KCNH7: variants seen among roughly 807,000 people sequenced by gnomAD.
The protein encoded by KCNH7 is potassium voltage-gated channel subfamily H member 7, also known as voltage-gated inwardly rectifying potassium channel KCNH7.
In KCNH7, 49 loss-of-function variants were observed where a neutral mutation model predicts 120.8. The ratio of observed to expected loss-of-function variants is 0.41; its 90% CI spans 0.32 to 0.51. The LOEUF is 0.51. Among genes scored for constraint, KCNH7 ranks in the 20% least tolerant of loss-of-function variants. The probability of loss-of-function intolerance (pLI) is 0.38; values close to 1 mark genes in which losing one functional copy is unlikely to be tolerated. For missense variants in KCNH7, 1,097 were observed against 1,446.6 expected, an observed-to-expected ratio of 0.76 and a Z score of 3.92; for synonymous variants, 547 against 516.1, an observed-to-expected ratio of 1.06 and a Z score of -0.81.
intron 2 of KCNH7, among the ~76,000 whole-genome samples, chr2:162,773,728 T>G (rs1683142920): frequency 6.6e-6 from 1 of 152,160 alleles, no homozygotes; most frequent in African/African-American, 2.4e-5. Context: ...GCATCAAACT[T>G]TAGCTTATCA....
At chr2:162,601,398 G>GGTTTTTTTT (rs1694548088) in intron 2 of KCNH7, among the ~76,000 whole-genome samples, 1 of 7,724 alleles carries the variant, frequency 1.3e-4, no homozygotes, top group Non-Finnish European at 2.2e-4. Context: ...TACTTCTTGT[G>GGTTTTTTTT]CTTTTTTTTT....
chr2:162,546,682 T>C (rs1692491351), intron 2 of KCNH7, among the ~76,000 whole-genome samples: 1 of 152,160 alleles, frequency 6.6e-6, no homozygotes. Flanking sequence ...TTTATAGCTT[T>C]GGAGCAGGGA....
intron 2 of KCNH7, among the ~76,000 whole-genome samples, chr2:162,541,616 A>G (rs1692304486): frequency 6.6e-6 from 1 of 152,130 alleles, no homozygotes; most frequent in Non-Finnish European, 1.5e-5. Flanking sequence ...GCATGTTCTC[A>G]TTTATAAATG....
chr2:162,815,095 A>AT (rs890981740), intron 2 of KCNH7, among the ~76,000 whole-genome samples: 10 of 152,186 alleles, frequency 6.6e-5, no homozygotes, highest in African/African-American at 2.4e-5. Context: ...CAAGAGTCAT[A>AT]TTTTTTTCAT....
chr2:162,461,593 T>C lies in KCNH7; in HGVS notation c.1129-15150A>G, dbSNP rs552321453. On this transcript the variant is annotated intron_variant, in intron 6 of 15. Transcript: ENST00000332142. ...TTGGAGCAAGTCAATTATGCAATGATAGATAATGCAAAAGACAGATGGTTA... is the reference window on the plus strand; with the variant it reads ...TTGGAGCAAGTCAATTATGCAATGACAGATAATGCAAAAGACAGATGGTTA... 9.8e-5 allele frequency among the ~76,000 whole-genome samples: 15 copies of C among 152,342 alleles called. No homozygotes were observed. In the East Asian group the frequency reaches 2.7e-3, roughly 27 times the overall value.
intron 2 of KCNH7, among the ~76,000 whole-genome samples, chr2:162,810,418 C>A (rs972870773): frequency 1.3e-5 from 2 of 152,062 alleles, no homozygotes; most frequent in Non-Finnish European, 2.9e-5. Flanking sequence ...GCAGAAATTC[C>A]GTCAGGAATT....
At chr2:162,788,216 C>T (rs1683784993) in intron 2 of KCNH7, among the ~76,000 whole-genome samples, 1 of 152,092 alleles carries the variant, frequency 6.6e-6, no homozygotes, top group Non-Finnish European at 1.5e-5. Flanking sequence ...TGACTTATGA[C>T]TTTTTTACTT....
chr2:162,379,099 T>C (rs1307143056), intron 14 of KCNH7, among the ~76,000 whole-genome samples: 1 of 152,214 alleles, frequency 6.6e-6, no homozygotes, highest in Non-Finnish European at 1.5e-5. Context: ...AATCTTGTGA[T>C]TAGAGCATTT....
At chr2:162,577,141 A>C (rs1183952254) in intron 2 of KCNH7, among the ~76,000 whole-genome samples, 2 of 151,716 alleles carry the variant, frequency 1.3e-5, no homozygotes, top group East Asian at 3.9e-4. Flanking sequence ...GCTGTTCCTG[A>C]ACTTCTGGCC....
chr2:162,580,719 C>T (rs1162353034), intron 2 of KCNH7, among the ~76,000 whole-genome samples: 1 of 151,918 alleles, frequency 6.6e-6, no homozygotes, highest in Non-Finnish European at 1.5e-5. Context: ...ACAATCCCAC[C>T]CTAACAGATG....
chr2:162,769,806 G>A (rs1171963965), intron 2 of KCNH7, among the ~76,000 whole-genome samples: 4 of 151,878 alleles, frequency 2.6e-5, no homozygotes, highest in African/African-American at 4.8e-5. Context: ...CATTAAAAAC[G>A]GCATCTGCAG....
intron 2 of KCNH7, among the ~76,000 whole-genome samples, chr2:162,733,781 T>A (rs1258559153): frequency 1.3e-5 from 2 of 152,078 alleles, no homozygotes; most frequent in African/African-American, 4.8e-5. Context: ...TGAACCTGAT[T>A]TTTTTTTAAG....
chr2:162,699,902 G>A (rs1686430406), intron 2 of KCNH7, among the ~76,000 whole-genome samples: 1 of 152,080 alleles, frequency 6.6e-6, no homozygotes, highest in Non-Finnish European at 1.5e-5. Flanking sequence ...ATAAATAAGT[G>A]ATGGGGAAAT....
chr2:162,675,103 G>A (rs182905207), intron 2 of KCNH7, among the ~76,000 whole-genome samples: 5 of 151,470 alleles, frequency 3.3e-5, no homozygotes, highest in South Asian at 4.1e-4. Flanking sequence ...TAGGAAAAAC[G>A]AGCAGATATT....
At chr2:162,655,117 G>A (rs80192129) in intron 2 of KCNH7, among the ~76,000 whole-genome samples, 2,877 of 152,208 alleles carry the variant, frequency 0.019, 63 homozygotes, top group East Asian at 0.11. Context: ...ATTGCTAAGA[G>A]AGTAGATTTT....
At chr2:162,504,294 A>C (rs1389334205) in intron 6 of KCNH7, 149 bp downstream of exon 6, 1 of 630,422 alleles carries the variant, frequency 1.6e-6, no homozygotes, top group Non-Finnish European at 2.8e-6. Flanking sequence ...GTTATATTAG[A>C]GAGTTACCCA....
At chr2:162,549,647 G>T (rs973316775) in intron 2 of KCNH7, among the ~76,000 whole-genome samples, 5 of 152,166 alleles carry the variant, frequency 3.3e-5, no homozygotes, top group Non-Finnish European at 7.4e-5. Flanking sequence ...GAACACACTG[G>T]TAAGATTATA....
chr2:162,594,707 A>G (rs1379627160), intron 2 of KCNH7, among the ~76,000 whole-genome samples: 1 of 150,822 alleles, frequency 6.6e-6, no homozygotes, highest in Non-Finnish European at 1.5e-5. Flanking sequence ...TCCCTGAACA[A>G]TACAATATAA....
chr2:162,482,728 A>C (rs1257158879), intron 6 of KCNH7, among the ~76,000 whole-genome samples: 1 of 152,188 alleles, frequency 6.6e-6, no homozygotes, highest in Non-Finnish European at 1.5e-5. Context: ...TTCCTACAGC[A>C]ATAGAACCTT....
Sources: gnomAD v4.1 joint callset for allele counts (sites outside exome capture counted in the v4.1 genomes callset) on GRCh38, gnomAD v4.1.1 for gene constraint, MANE v1.5 for transcripts, NCBI Gene and HGNC (gene_info 2026-07-23, HGNC 2026-07-21) for gene names.